PDE10A: variants seen among roughly 807,000 people sequenced by gnomAD.
PDE10A encodes cAMP and cAMP-inhibited cGMP 3',5'-cyclic phosphodiesterase 10A.
A neutral mutation model predicts 97.7 loss-of-function variants in PDE10A; 39 were observed. The ratio of observed to expected loss-of-function variants is 0.40; its 90% confidence interval spans 0.31 to 0.52. The LOEUF is 0.52. Among genes scored for constraint, PDE10A ranks in the 20% least tolerant of loss-of-function variants. The pLI, the probability that PDE10A is intolerant of heterozygous loss-of-function variation, is 0.56. For synonymous variants in PDE10A, 371 were observed against 376.8 expected (o/e 0.98, Z 0.18); for missense variants, 731 against 1,047.8 (o/e 0.70, Z 4.17).
At chr6:165,863,884 C>T (rs1236328039) in intron 1 of PDE10A, among the ~76,000 whole-genome samples, 1 of 152,100 alleles carries the variant, frequency 6.6e-6, no homozygotes, top group African/African-American at 2.4e-5. Context: ...CACAAAATCC[C>T]CAACCAAGAA....
chr6:165,527,294 C>T (rs1468655222), intron 2 of PDE10A, among the ~76,000 whole-genome samples: 1 of 152,210 alleles, frequency 6.6e-6, no homozygotes, highest in Non-Finnish European at 1.5e-5. Context: ...AAAAGGCTGC[C>T]AGTTCTGAGT....
At chr6:165,904,525 G>T (rs919718148) in intron 1 of PDE10A, among the ~76,000 whole-genome samples, 4 of 151,954 alleles carry the variant, frequency 2.6e-5, no homozygotes, top group African/African-American at 9.7e-5. Context: ...ATAAAGTCTC[G>T]CTCAATATTT....
At chr6:165,334,905 G>T (rs922580396) in intron 21 of PDE10A, among the ~76,000 whole-genome samples, 1 of 152,120 alleles carries the variant, frequency 6.6e-6, no homozygotes, top group Non-Finnish European at 1.5e-5. Context: ...TTCAACAGCA[G>T]AAGATAAGAG....
intron 1 of PDE10A, among the ~76,000 whole-genome samples, chr6:165,883,358 C>T (rs879509357): frequency 7.2e-5 from 11 of 152,036 alleles, no homozygotes; most frequent in Admixed American, 4.6e-4. Context: ...GCCTGGCCAA[C>T]GTGGCAAAAC....
At chr6:165,545,820 C>G (rs924363286) in intron 1 of PDE10A, among the ~76,000 whole-genome samples, 1 of 151,950 alleles carries the variant, frequency 6.6e-6, no homozygotes, top group Non-Finnish European at 1.5e-5. Context: ...GATAAGGATG[C>G]AAAATGCTAC....
At chr6:165,793,470 C>T (rs748343542) in intron 1 of PDE10A, among the ~76,000 whole-genome samples, 1 of 152,088 alleles carries the variant, frequency 6.6e-6, no homozygotes, top group Non-Finnish European at 1.5e-5. Flanking sequence ...TCCCTGCTGC[C>T]TGAGACCCGG....
chr6:165,770,723 A>T (rs1312752231), intron 1 of PDE10A, among the ~76,000 whole-genome samples: 1 of 152,192 alleles, frequency 6.6e-6, no homozygotes, highest in Non-Finnish European at 1.5e-5. Flanking sequence ...AACGGGCATT[A>T]ACCTTCAAGC....
chr6:165,881,549 C>T (rs540957584), intron 1 of PDE10A, among the ~76,000 whole-genome samples: 1 of 146,806 alleles, frequency 6.8e-6, no homozygotes, highest in African/African-American at 2.6e-5. Flanking sequence ...CAGGTGCGCA[C>T]CACCATGCCC....
In PDE10A at chr6:165,594,899, G is replaced by C. The variant is rs6917844; in HGVS notation, c.866-51331C>G. On this transcript the variant is annotated intron_variant, in intron 1 of 21. Transcript: ENST00000539869. ...TGCATGTTAAAAAGTACACTTAAAA[G>C]GATGGCAGGAGGTTAAGTCTGGTGT... 2.0e-5 allele frequency among the ~76,000 whole-genome samples: 3 copies of C among 152,136 alleles called. No homozygotes were observed. The East Asian group carries it at 5.8e-4, about 30-fold the overall frequency.
At chr6:165,384,933 T>C (rs141480104) in intron 17 of PDE10A, among the ~76,000 whole-genome samples, 1 of 152,228 alleles carries the variant, frequency 6.6e-6, no homozygotes, top group Admixed American at 6.5e-5. Flanking sequence ...TATCTGTCTG[T>C]GTGGCCAGAG....
At chr6:165,535,752 T>C (rs899813662) in intron 2 of PDE10A, among the ~76,000 whole-genome samples, 4 of 151,858 alleles carry the variant, frequency 2.6e-5, no homozygotes, top group Non-Finnish European at 4.4e-5. Flanking sequence ...TTTATTTTCC[T>C]AGGAATAAAC....
chr6:165,749,223 T>TCACC (rs370708253), intron 1 of PDE10A, among the ~76,000 whole-genome samples: 2 of 5,602 alleles, frequency 3.6e-4, no homozygotes, highest in Non-Finnish European at 4.5e-4. Flanking sequence ...ATCACCATCA[T>TCACC]ATCACCATCA....
chr6:165,935,316 A>C (rs12215476), intron 1 of PDE10A, among the ~76,000 whole-genome samples: 44,769 of 152,122 alleles, frequency 0.29, 7,278 homozygotes, highest in African/African-American at 0.41. Flanking sequence ...GTGTGTGCAA[A>C]GGCACAGAGA....
At chr6:165,722,782 C>G (rs1410057558) in intron 1 of PDE10A, among the ~76,000 whole-genome samples, 1 of 151,678 alleles carries the variant, frequency 6.6e-6, no homozygotes, top group Non-Finnish European at 1.5e-5. Flanking sequence ...ACTGAGCCTG[C>G]GAAAACATCG....
chr6:165,475,977 C>G (rs920427202), intron 3 of PDE10A, among the ~76,000 whole-genome samples: 2 of 152,156 alleles, frequency 1.3e-5, no homozygotes, highest in African/African-American at 4.8e-5. Context: ...CCAGACTGAA[C>G]TGGTGCCACC....
intron 1 of PDE10A, among the ~76,000 whole-genome samples, chr6:165,690,121 T>G (rs963674800): frequency 6.6e-6 from 1 of 152,200 alleles, no homozygotes; most frequent in Non-Finnish European, 1.5e-5. Flanking sequence ...AGAAGTAGGA[T>G]TTGAATCCAG....
intron 1 of PDE10A, among the ~76,000 whole-genome samples, chr6:165,617,199 G>A (rs555579573): frequency 1.3e-5 from 2 of 152,306 alleles, no homozygotes; most frequent in African/African-American, 4.8e-5. Context: ...AGCGAAGGAA[G>A]AGTTACTTCC....
At chr6:165,659,695 CT>C (rs1790140391) in intron 1 of PDE10A, among the ~76,000 whole-genome samples, 1 of 152,124 alleles carries the variant, frequency 6.6e-6, no homozygotes, top group African/African-American at 2.4e-5. Context: ...GGGGGCCTTT[CT>C]TGAAAGTTCC....
chr6:165,359,466 CT>C (rs1247473518), intron 18 of PDE10A, among the ~76,000 whole-genome samples: 1 of 150,630 alleles, frequency 6.6e-6, no homozygotes, highest in African/African-American at 2.5e-5. Flanking sequence ...GTATTTTACC[CT>C]GTTTGTTACG....
Sources: allele counts gnomAD v4.1 joint callset (sites outside exome capture counted in the v4.1 genomes callset), GRCh38; gene constraint gnomAD v4.1.1; transcripts MANE v1.5; gene names NCBI Gene and HGNC (gene_info 2026-07-23, HGNC 2026-07-21).